Variants in FGF12 observed in about 807,000 individuals in gnomAD.
FGF12 encodes fibroblast growth factor 12B.
FGF12 carries 14 observed loss-of-function variants against 23.6 expected under a neutral mutation model. The ratio of observed to expected loss-of-function variants is 0.59; its 90% confidence interval spans 0.39 to 0.93. The LOEUF is 0.93. Among genes scored for constraint, FGF12 ranks in the 40% least tolerant of loss-of-function variants. The probability of loss-of-function intolerance (pLI) is 0.00; values close to 1 mark genes in which losing one functional copy is unlikely to be tolerated. For missense variants in FGF12, 175 were observed against 217.8 expected, an observed-to-expected ratio of 0.80 and a Z score of 1.24; for synonymous variants, 62 against 77.3, an observed-to-expected ratio of 0.80 and a Z score of 1.04.
intron 4 of FGF12, among the ~76,000 whole-genome samples, chr3:192,302,820 A>G (rs1224960930): frequency 6.6e-6 from 1 of 152,238 alleles, no homozygotes; most frequent in Non-Finnish European, 1.5e-5. Context: ...AACAGGAGTT[A>G]GCTAAACAAG....
intron 4 of FGF12, among the ~76,000 whole-genome samples, chr3:192,334,458 T>C (rs1437983323): frequency 2.6e-5 from 4 of 152,104 alleles, no homozygotes; most frequent in Non-Finnish European, 4.4e-5. Context: ...TCTGTAATCA[T>C]GATTTTCAAG....
intron 2 of FGF12, among the ~76,000 whole-genome samples, chr3:192,620,650 C>T (rs1714939613): frequency 6.6e-6 from 1 of 152,142 alleles, no homozygotes; most frequent in African/African-American, 2.4e-5. Context: ...ATATCATTCA[C>T]TAGACTCACT....
chr3:192,227,204 T>C (rs1244746086), intron 4 of FGF12, among the ~76,000 whole-genome samples: 1 of 152,192 alleles, frequency 6.6e-6, no homozygotes, highest in African/African-American at 2.4e-5. Context: ...TCATATCTTA[T>C]AAAGTCTTAC....
At chr3:192,700,561 A>C (rs1577129224) in intron 2 of FGF12, among the ~76,000 whole-genome samples, 5 of 152,328 alleles carry the variant, frequency 3.3e-5, no homozygotes, top group South Asian at 4.1e-4. Context: ...ATGTTTGAGC[A>C]GATACATTAT....
chr3:192,661,780 C>G (rs1252547681), intron 2 of FGF12, among the ~76,000 whole-genome samples: 1 of 152,188 alleles, frequency 6.6e-6, no homozygotes, highest in Non-Finnish European at 1.5e-5. Flanking sequence ...AATAAAATGA[C>G]TGACATGTTA....
chr3:192,327,416 C>CA (rs144504244), intron 4 of FGF12, among the ~76,000 whole-genome samples: 40,682 of 150,938 alleles, frequency 0.27, 6,235 homozygotes, highest in South Asian at 0.43. Context: ...CCTGTTTAAA[C>CA]AAAAAACTGT....
At chr3:192,416,326 T>C (rs897368803) in intron 2 of FGF12, among the ~76,000 whole-genome samples, 2 of 152,104 alleles carry the variant, frequency 1.3e-5, no homozygotes, top group African/African-American at 4.8e-5. Context: ...AAGAGTAAAA[T>C]GTTAAGTACA....
chr3:192,318,735 G>C (rs1716371820), intron 4 of FGF12, among the ~76,000 whole-genome samples: 1 of 151,680 alleles, frequency 6.6e-6, no homozygotes, highest in Admixed American at 6.6e-5. Context: ...AGCATAAGAA[G>C]GTTATAAACA....
chr3:192,231,458 T>C (rs1719016378), intron 4 of FGF12, among the ~76,000 whole-genome samples: 1 of 152,136 alleles, frequency 6.6e-6, no homozygotes, highest in Non-Finnish European at 1.5e-5. Context: ...ATAAAACTAT[T>C]AGGTTGGTGC....
At chr3:192,324,433 G>A (rs900812188) in intron 4 of FGF12, among the ~76,000 whole-genome samples, 5 of 152,128 alleles carry the variant, frequency 3.3e-5, no homozygotes, top group African/African-American at 9.7e-5. Context: ...TATATCTACT[G>A]CTGCTACTGT....
intron 1 of FGF12, 25 bp downstream of exon 1, chr3:192,727,459 C>A: frequency 1.9e-5 from 15 of 805,560 alleles, no homozygotes; most frequent in Non-Finnish European, 2.4e-5. Flanking sequence ...AGTGCCCGCT[C>A]AGATTTTTTT....
chr3:192,383,904 ATG>A (rs1460969861), intron 2 of FGF12, among the ~76,000 whole-genome samples: 1 of 152,186 alleles, frequency 6.6e-6, no homozygotes, highest in African/African-American at 2.4e-5. Context: ...GGCAGTGTTG[ATG>A]TTTTGATAAA....
In FGF12 at chr3:192,590,458, G is replaced by A. The variant is rs1242855454; in HGVS notation, c.13+136723C>T. Among the ~76,000 whole-genome samples the A allele has an allele frequency of 8.6e-5, 13 of 151,806 alleles. 1 individual carries two copies. Among genetic ancestry groups the A allele is most frequent in the Non-Finnish European group, 1.8e-4 (12 of 67,926 alleles). On this transcript the variant is annotated intron_variant, in intron 2 of 5. Transcript: ENST00000445105. ...AGTAGAACTGCAGATAATCAGAAAG[G>A]TTTATGAACACTTGAAGGTTTTTCT...
intron 2 of FGF12, among the ~76,000 whole-genome samples, chr3:192,615,675 G>A (rs1465827707): frequency 2.0e-5 from 3 of 152,038 alleles, no homozygotes; most frequent in Non-Finnish European, 4.4e-5. Flanking sequence ...ACAAGAATAT[G>A]CATTCCAGTG....
chr3:192,530,470 C>A (rs1725059682), intron 2 of FGF12, among the ~76,000 whole-genome samples: 1 of 152,134 alleles, frequency 6.6e-6, no homozygotes, highest in Non-Finnish European at 1.5e-5. Flanking sequence ...AGTAATAATC[C>A]TTTTCATCCT....
intron 2 of FGF12, among the ~76,000 whole-genome samples, chr3:192,482,981 T>G (rs1017855067): frequency 6.6e-6 from 1 of 152,152 alleles, no homozygotes; most frequent in African/African-American, 2.4e-5. Context: ...AGTCCAAATA[T>G]TTTAGAATAG....
At chr3:192,337,535 C>T (rs79604695) in intron 3 of FGF12, among the ~76,000 whole-genome samples, 3,224 of 152,232 alleles carry the variant, frequency 0.021, 101 homozygotes, top group African/African-American at 0.073. Context: ...AAATAGGCAA[C>T]AAGACGTGTG....
intron 2 of FGF12, among the ~76,000 whole-genome samples, chr3:192,639,182 C>A (rs575087503): frequency 6.6e-6 from 1 of 151,964 alleles, no homozygotes. Flanking sequence ...GAAAAATGAC[C>A]AATAGGTATA....
At chr3:192,216,218 A>AT (rs535233468) in intron 4 of FGF12, among the ~76,000 whole-genome samples, 315 of 152,212 alleles carry the variant, frequency 2.1e-3, no homozygotes, top group Non-Finnish European at 3.6e-3. Flanking sequence ...TATTTCTTTT[A>AT]TTTTTTCTCC....
Sources: gnomAD v4.1 joint callset for allele counts (sites outside exome capture counted in the v4.1 genomes callset) on GRCh38, gnomAD v4.1.1 for gene constraint, MANE v1.5 for transcripts, NCBI Gene and HGNC (gene_info 2026-07-23, HGNC 2026-07-21) for gene names.